TMPRSS12: variants seen among roughly 807,000 people sequenced by gnomAD.
TMPRSS12 encodes the protein transmembrane protease serine 12.
Under a neutral mutation model 26.0 loss-of-function variants are expected in TMPRSS12, and 25 were observed. The observed-to-expected ratio is 0.96, with a 90% CI of 0.70 to 1.34. The LOEUF (loss-of-function observed/expected upper bound fraction) is 1.34, where lower values mean the gene tolerates loss of function less well. TMPRSS12 is among the 40% of genes most tolerant of loss of function. TMPRSS12 has a pLI of 0.00. For synonymous variants in TMPRSS12, 150 were observed against 161.7 expected, an observed-to-expected ratio of 0.93 and a Z score of 0.55; for missense variants, 441 against 440.1, an observed-to-expected ratio of 1.00 and a Z score of -0.02.
chr12:50,870,507 G>A (rs1938032078), intron 3 of TMPRSS12, among the ~76,000 whole-genome samples: 1 of 152,116 alleles, frequency 6.6e-6, no homozygotes, highest in South Asian at 2.1e-4. Context: ...ACTGAATGGG[G>A]AAAAGTTGAA....
At chr12:50,853,332 A>G (rs1937844079) in intron 2 of TMPRSS12, among the ~76,000 whole-genome samples, 1 of 152,160 alleles carries the variant, frequency 6.6e-6, no homozygotes, top group Non-Finnish European at 1.5e-5. Flanking sequence ...AAGCAATGTT[A>G]AGAGGAAAGT....
intron 3 of TMPRSS12, 31 bp from the exon 4 acceptor site, chr12:50,885,214 CA>C (rs759620058): frequency 9.0e-6 from 14 of 1,548,176 alleles, no homozygotes; most frequent in Non-Finnish European, 1.2e-5. Flanking sequence ...ATGTCTGCTC[CA>C]AGATAACTTA....
At chr12:50,872,796 A>ATATATGTACATATATAGACGTC (rs1938072095) in intron 3 of TMPRSS12, among the ~76,000 whole-genome samples, 1 of 112,866 alleles carries the variant, frequency 8.9e-6, no homozygotes, top group South Asian at 2.9e-4. Flanking sequence ...TATATGACGT[A>ATATATGTACATATATAGACGTC]TATATGTACA....
intron 2 of TMPRSS12, among the ~76,000 whole-genome samples, chr12:50,852,515 A>G (rs1937835381): frequency 6.6e-6 from 1 of 152,110 alleles, no homozygotes; most frequent in South Asian, 2.1e-4. Flanking sequence ...GGTTCAAGCA[A>G]TTCTCCTACA....
At chr12:50,856,881 G>T (rs1937883435) in intron 2 of TMPRSS12, among the ~76,000 whole-genome samples, 1 of 151,976 alleles carries the variant, frequency 6.6e-6, no homozygotes, top group Non-Finnish European at 1.5e-5. Context: ...ACAGAGACAG[G>T]GTTTCGCCAT....
intron 3 of TMPRSS12, among the ~76,000 whole-genome samples, chr12:50,883,416 G>A (rs1938194608): frequency 6.6e-6 from 1 of 152,192 alleles, no homozygotes; most frequent in African/African-American, 2.4e-5. Flanking sequence ...AGCCAGCTGT[G>A]GTGGTTCACA....
chr12:50,887,160 AT>A (rs1226465617), intron 4 of TMPRSS12, 101 bp from the exon 5 acceptor site: 16 of 1,213,596 alleles, frequency 1.3e-5, no homozygotes, highest in Non-Finnish European at 1.8e-5. Flanking sequence ...GAAAATGTGT[AT>A]TTATATAAAT....
chr12:50,875,398 G>A (rs1207283400), intron 3 of TMPRSS12, among the ~76,000 whole-genome samples: 4 of 148,448 alleles, frequency 2.7e-5, no homozygotes, highest in Admixed American at 6.8e-5. Flanking sequence ...GGCTGAGGCA[G>A]GAGAATCGCT....
intron 3 of TMPRSS12, among the ~76,000 whole-genome samples, chr12:50,872,375 C>T (rs1301420321): frequency 3.4e-4 from 50 of 149,028 alleles, no homozygotes; most frequent in African/African-American, 9.4e-4. Flanking sequence ...TAGCCGGGCG[C>T]GGTGGCGGGC....
chr12:50,882,040 T>C, intron 3 of TMPRSS12, among the ~76,000 whole-genome samples: 1 of 124,308 alleles, frequency 8.0e-6, no homozygotes, highest in South Asian at 2.5e-4. Flanking sequence ...TATATATATA[T>C]ATGTTTATTT....
At position 50,843,086 on chromosome 12, in the gene TMPRSS12, C is replaced by T. The variant is rs757737755; in HGVS notation, c.122C>T (p.Ser41Phe). ...LGPSPEPAAS[S>F]QQAEAVRKRL... ...CCCTCGCCGGAACCGGCGGCTAGTT[C>T]CCAGCAGGCTGAGGCCGTCCGCAAG... The change falls in exon 1 of 5, where the codon TCC (serine) becomes TTC (phenylalanine). Residue 41 changes from serine (S) to phenylalanine (F), a missense_variant. Physicochemically the swap from Ser to Phe is radical, Grantham distance 155 (BLOSUM62 -2). Transcript: ENST00000398458. 2 of 1,584,626 alleles carry T rather than the reference C, an allele frequency of 1.3e-6. No homozygotes were observed.
Position 50,843,916 on chromosome 12 carries a change from G to T in TMPRSS12, c.262G>T (p.Ala88Ser), listed in dbSNP as rs369846570. The T allele has an allele frequency of 2.7e-5, 43 of 1,583,762 alleles. No individual in the cohort carries two copies. In the East Asian group the frequency reaches 3.7e-4, roughly 13 times the overall value. Reference protein sequence around the residue: ...IIGGTEAQAGAWPWVVSLQIK... With the variant: ...IIGGTEAQAGSWPWVVSLQIK... ...AGGGGGCACCGAAGCACAAGCTGGCGCATGGCCGTGGGTGGTGAGCCTGCA... is the reference window on the plus strand; with the variant it reads ...AGGGGGCACCGAAGCACAAGCTGGCTCATGGCCGTGGGTGGTGAGCCTGCA... The change falls in exon 2 of 5, where the codon GCA becomes TCA. Residue 88 changes from alanine (A) to serine (S), a missense_variant. Coordinates refer to ENST00000398458, the MANE Select transcript of TMPRSS12 (RefSeq NM_182559.3).
At chr12:50,846,854 AGGT>A (rs1937772996) in intron 2 of TMPRSS12, among the ~76,000 whole-genome samples, 1 of 151,982 alleles carries the variant, frequency 6.6e-6, no homozygotes, top group South Asian at 2.1e-4. Flanking sequence ...TGGTAACTGC[AGGT>A]GTGAGCAACT....
At chr12:50,857,324 A>G (rs1265876084) in intron 2 of TMPRSS12, among the ~76,000 whole-genome samples, 2 of 152,228 alleles carry the variant, frequency 1.3e-5, no homozygotes, top group Non-Finnish European at 2.9e-5. Flanking sequence ...GATAAATTCT[A>G]GGAAGCAGAA....
rs574688696 is a variant in TMPRSS12 at position 50,843,568 on chromosome 12, A to T, written c.188-274A>T. Among the ~76,000 whole-genome samples the T allele has an allele frequency of 5.9e-5, 9 of 152,304 alleles. No individual in the cohort carries two copies. In the South Asian group the frequency reaches 1.0e-3, roughly 18 times the overall value. ...TATTTCACACAGGGAAGAATGTGAT[A>T]CGTGGCCAAAAATTTTTATTTTTAT... On this transcript the variant is annotated intron_variant, in intron 1 of 4. Coordinates refer to ENST00000398458, the MANE Select transcript of TMPRSS12 (RefSeq NM_182559.3).
chr12:50,872,987 T>C (rs1565936177), intron 3 of TMPRSS12, among the ~76,000 whole-genome samples: 1 of 151,234 alleles, frequency 6.6e-6, no homozygotes, highest in African/African-American at 2.4e-5. Context: ...CGTATATATA[T>C]GATGGAATAC....
rs1040078466 is a variant in TMPRSS12 at position 50,877,110 on chromosome 12, C to T, written c.653-8136C>T. ...AAAGCTAATTTGGGGGTACTATGCTCAGTATATGGGTTCAATTATACCCTG... is the reference window on the plus strand; with the variant it reads ...AAAGCTAATTTGGGGGTACTATGCTTAGTATATGGGTTCAATTATACCCTG... On this transcript the variant is annotated intron_variant, in intron 3 of 4. Transcript: ENST00000398458. Among the ~76,000 whole-genome samples the T allele has an allele frequency of 3.9e-5, 6 of 151,998 alleles. 1 individual carries two copies. The highest frequency in any genetic ancestry group is 3.9e-4 in the Admixed American group (6 of 15,256).
At chr12:50,853,948 T>G (rs1937851921) in intron 2 of TMPRSS12, among the ~76,000 whole-genome samples, 1 of 152,034 alleles carries the variant, frequency 6.6e-6, no homozygotes, top group Admixed American at 6.5e-5. Flanking sequence ...AAAATTGGAA[T>G]TAGGGACTCC....
At chr12:50,883,979 GC>G (rs1415205887) in intron 3 of TMPRSS12, among the ~76,000 whole-genome samples, 2 of 152,130 alleles carry the variant, frequency 1.3e-5, no homozygotes, top group African/African-American at 4.8e-5. Context: ...TGGGACCCAG[GC>G]AAGAGGGCAA....
Sources: gnomAD v4.1 joint callset for allele counts (sites outside exome capture counted in the v4.1 genomes callset) on GRCh38, gnomAD v4.1.1 for gene constraint, MANE v1.5 for transcripts, NCBI Gene and HGNC (gene_info 2026-07-23, HGNC 2026-07-21) for gene names.